The following PSG6 variants were observed in gnomAD, a reference collection of about 807,000 sequenced individuals.
PSG6 encodes pregnancy-specific beta-1-glycoprotein 6.
In PSG6, 51 loss-of-function variants were observed where a neutral mutation model predicts 43.3. The observed-to-expected ratio is 1.18, with a 90% confidence interval of 0.94 to 1.49. The LOEUF is 1.49. Ranked by LOEUF, PSG6 falls within the 40% of genes most tolerant of loss-of-function variation. The pLI is 0.00. For missense variants in PSG6, 770 were observed against 522.2 expected (o/e 1.47, Z -4.62); for synonymous variants, 292 against 197.6 (o/e 1.48, Z -4.01).
chr19:42,907,465 C>G, intron 4 of PSG6, 111 bp downstream of exon 4: 1 of 1,552,922 alleles, frequency 6.4e-7, no homozygotes, highest in Non-Finnish European at 8.7e-7. Flanking sequence ...GGTCTGATGT[C>G]CAGAAGTAAA....
chr19:42,903,775 C>T, intron 5 of PSG6: 1 of 1,483,350 alleles, frequency 6.7e-7, no homozygotes, highest in Non-Finnish European at 8.9e-7. Context: ...CACCTGTAGT[C>T]CTAGCATCTT....
At position 42,911,027 on chromosome 19, in the gene PSG6, T is replaced by A. The variant is rs530017099; in HGVS notation, c.428-169A>T. Among the ~76,000 whole-genome samples the A allele has an allele frequency of 4.0e-5, 6 of 151,556 alleles. 1 individual carries two copies. The highest frequency in any genetic ancestry group is 2.1e-4 in the South Asian group (1 of 4,706). ...GATGCATGGCAACCTGAGGGCTCAG[T>A]GATTGTGAGGCTGCCTGCTTTATGT... On this transcript the variant is annotated intron_variant, in intron 2 of 5. Transcript: ENST00000187910.
In PSG6 at chr19:42,916,334, G is replaced by T. The variant is rs140974685; in HGVS notation, c.218C>A (p.Thr73Lys). The change falls in exon 2 of 6, where the codon ACG (threonine) becomes AAG (lysine). Residue 73 changes from threonine to lysine, a missense_variant. Transcript: ENST00000187910. ...TGYIWYKGQM[T>K]DLYHYITSYV... ...TGATGTAATGTAATGGTAGAGGTCCGTCATTTGCCCTTTGTACCAGATGTA... is the reference window on the plus strand; with the variant it reads ...TGATGTAATGTAATGGTAGAGGTCCTTCATTTGCCCTTTGTACCAGATGTA... The T allele has an allele frequency of 4.3e-6, 7 of 1,611,944 alleles. No homozygotes were observed. In the African/African-American group the frequency reaches 6.7e-5, roughly 15 times the overall value.
Position 42,902,251 on chromosome 19 carries a change from T to C in PSG6, c.*161A>G, listed in dbSNP as rs576905334. 4.1e-6 allele frequency: 4 copies of C among 973,986 alleles called. No homozygotes were observed. In the South Asian group the frequency reaches 8.4e-5, roughly 20 times the overall value. 60.3% of individuals were successfully genotyped at this position (973,986 alleles called of 1,614,324 possible). On this transcript the variant is annotated 3_prime_UTR_variant, in exon 6 of 6. Transcript: ENST00000187910. ...AAAAAAAGTTCATAAATCTGGAGAATAAAACATTCCAAGAATCAGCACATT... is the reference window on the plus strand; with the variant it reads ...AAAAAAAGTTCATAAATCTGGAGAACAAAACATTCCAAGAATCAGCACATT...
chr19:42,906,510 A>C (rs112845956), intron 5 of PSG6: 41 of 1,238,310 alleles, frequency 3.3e-5, no homozygotes, highest in African/African-American at 1.8e-4. Flanking sequence ...TTTGGGGGAA[A>C]AGTGTGAGCT....
At chr19:42,904,237 G>A (rs1972078998) in intron 5 of PSG6, among the ~76,000 whole-genome samples, 1 of 151,654 alleles carries the variant, frequency 6.6e-6, no homozygotes, top group Non-Finnish European at 1.5e-5. Flanking sequence ...GTATGAGCAG[G>A]AAAAGACAAG....
chr19:42,908,087 G>A (rs1396775035), intron 3 of PSG6: 7 of 756,896 alleles, frequency 9.2e-6, no homozygotes, highest in Non-Finnish European at 1.4e-5. Context: ...GAGCAGCAGT[G>A]TTGGGTCATG....
Position 42,916,416 on chromosome 19 carries a change from A to G in PSG6, c.136T>C (p.Ser46Pro), listed in dbSNP as rs765111713. 3.7e-6 allele frequency: 6 copies of G among 1,608,904 alleles called. 1 individual carries two copies. The highest frequency in any genetic ancestry group is 5.1e-6 in the Non-Finnish European group (6 of 1,177,542). ...VIIEAKPPKV[S>P]EGKDVLLLVH... is the part of the protein sequence containing the mutation. ...AGTAGAAGAACATCCTTCCCCTCGG[A>G]AACTTTGGGTGGCTTGGCTTCAATT... is the stretch of plus-strand genomic sequence containing the variant. The change falls in exon 2 of 6, where the codon TCC (serine) becomes CCC (proline). Residue 46 changes from serine to proline, a missense_variant. Coordinates refer to ENST00000187910, the MANE Select transcript of PSG6 (RefSeq NM_001031850.4).
intron 5 of PSG6, among the ~76,000 whole-genome samples, chr19:42,905,654 A>T (rs1355249057): frequency 6.6e-6 from 1 of 151,716 alleles, no homozygotes; most frequent in African/African-American, 2.4e-5. Context: ...CACTAGCCAA[A>T]AATGGAAACA....
rs180719488 is a variant in PSG6 at position 42,908,176 on chromosome 19, C to T, written c.707-322G>A. ...TAATCAGTTGACTGGCTGGCTCACC[C>T]TGGGTTCCTTACCTGGAATGTGCAA... On this transcript the variant is annotated intron_variant, in intron 3 of 5. Transcript: ENST00000187910. Among the ~76,000 whole-genome samples, 1,282 of 151,768 alleles carry T rather than the reference C, an allele frequency of 8.4e-3. 43 individuals carry two copies. Among genetic ancestry groups the T allele is most frequent in the African/African-American group, 0.03 (1,228 of 41,386 alleles).
At position 42,907,722 on chromosome 19, in the gene PSG6, G is replaced by A. The variant is rs142652144; in HGVS notation, c.839C>T (p.Pro280Leu). The A allele has an allele frequency of 8.8e-5, 142 of 1,610,796 alleles. 3 individuals are homozygous for A. In the African/African-American group the frequency reaches 1.6e-3, roughly 18 times the overall value. Reference sequence around the variant, plus strand: ...GGGTCGCTTTACCCTCGGACTGACCGGGAGGCTCTGACCATTTAGCCACCA... The same window carrying A: ...GGGTCGCTTTACCCTCGGACTGACCAGGAGGCTCTGACCATTTAGCCACCA... Reference protein sequence around the residue: ...YIWWLNGQSLPVSPRVKRPIE... With the variant: ...YIWWLNGQSLLVSPRVKRPIE... Residue 280 changes from proline (P) to leucine (L), a missense_variant, in exon 4 of 6, where the codon CCG becomes CTG. Physicochemically the swap from Pro to Leu is moderately conservative, Grantham distance 98. Coordinates refer to ENST00000187910, the MANE Select transcript of PSG6 (RefSeq NM_001031850.4).
At chr19:42,917,200 G>A (rs1600552680) in intron 1 of PSG6, among the ~76,000 whole-genome samples, 1 of 151,226 alleles carries the variant, frequency 6.6e-6, no homozygotes, top group Non-Finnish European at 1.5e-5. Context: ...GGTGGCCCCT[G>A]ATGATTAATC....
At position 42,910,346 on chromosome 19, in the gene PSG6, T is replaced by C. The variant is rs867399526; in HGVS notation, c.706+234A>G. 3.4e-5 allele frequency: 37 copies of C among 1,092,324 alleles called. 1 individual carries two copies. Among genetic ancestry groups the C allele is most frequent in the African/African-American group, 1.4e-4 (9 of 63,056 alleles). The allele number at this position is 1,092,324 out of a possible 1,614,324, so 67.7% of individuals were successfully genotyped here. On this transcript the variant is annotated intron_variant, in intron 3 of 5. Coordinates refer to ENST00000187910, the MANE Select transcript of PSG6 (RefSeq NM_001031850.4). Reference sequence around the variant, plus strand: ...GAGCCTGAGACATTCACCTGTTTCTTCCATCACAAGCTGTGGAACCTGAGT... The same window carrying C: ...GAGCCTGAGACATTCACCTGTTTCTCCCATCACAAGCTGTGGAACCTGAGT...
At chr19:42,911,110 G>C (rs1041046419) in intron 2 of PSG6, among the ~76,000 whole-genome samples, 13 of 151,586 alleles carry the variant, frequency 8.6e-5, no homozygotes, top group Non-Finnish European at 1.8e-4. Flanking sequence ...GTCATGGAAA[G>C]ACACAGGACC....
At position 42,916,496 on chromosome 19, in the gene PSG6, T is replaced by C; in HGVS notation, c.65-9A>G. 1 of 1,605,614 alleles carries C rather than the reference T, an allele frequency of 6.2e-7. No individual in the cohort carries two copies. Among genetic ancestry groups the C allele is most frequent in the Non-Finnish European group, 8.5e-7 (1 of 1,175,946 alleles). ...GAAGTTTAAAAGTGATGCTAGGAGG[T>C]AGAGACAGCATCAGTTAATATTTGG... On this transcript the variant is annotated splice_polypyrimidine_tract_variant and intron_variant, in intron 1 of 5. Coordinates refer to ENST00000187910, the MANE Select transcript of PSG6 (RefSeq NM_001031850.4).
intron 2 of PSG6, among the ~76,000 whole-genome samples, chr19:42,914,014 C>G (rs535199017): frequency 6.6e-6 from 1 of 151,766 alleles, no homozygotes; most frequent in East Asian, 1.9e-4. Context: ...TTACTGCAAA[C>G]CACCATTTCA....
intron 2 of PSG6, among the ~76,000 whole-genome samples, chr19:42,911,581 G>T (rs755684919): frequency 2.0e-5 from 3 of 151,696 alleles, no homozygotes; most frequent in Non-Finnish European, 4.4e-5. Context: ...CATGATCCCT[G>T]TTCTGGGTCC....
chr19:42,915,148 C>G (rs190254245), intron 2 of PSG6, among the ~76,000 whole-genome samples: 22 of 151,560 alleles, frequency 1.5e-4, no homozygotes, highest in African/African-American at 5.1e-4. Context: ...CTCATGTGAC[C>G]CCGATCTCCC....
chr19:42,908,567 G>A (rs1036886010), intron 3 of PSG6, among the ~76,000 whole-genome samples: 95 of 151,884 alleles, frequency 6.3e-4, no homozygotes, highest in Admixed American at 4.8e-3. Context: ...CTTTGGAGCA[G>A]AAGCATGTTC....
Sources: allele counts gnomAD v4.1 joint callset (sites outside exome capture counted in the v4.1 genomes callset), GRCh38; gene constraint gnomAD v4.1.1; transcripts MANE v1.5; gene names NCBI Gene and HGNC (gene_info 2026-07-23, HGNC 2026-07-21).